CNTN4: variants seen among roughly 807,000 people sequenced by gnomAD.
The protein encoded by CNTN4 is contactin 4.
A neutral mutation model predicts 122.5 loss-of-function variants in CNTN4; 77 were observed. That is an observed-to-expected ratio of 0.63 (90% CI 0.52 to 0.76). The LOEUF is 0.76. CNTN4 is among the 30% of genes least tolerant of loss of function. The probability of loss-of-function intolerance (pLI) is 0.00; values close to 1 mark genes in which losing one functional copy is unlikely to be tolerated. For missense variants in CNTN4, 1,256 were observed against 1,259.1 expected, an observed-to-expected ratio of 1.00 and a Z score of 0.04; for synonymous variants, 512 against 447.0, an observed-to-expected ratio of 1.15 and a Z score of -1.83.
At chr3:2,917,361 A>G (rs1053506521) in intron 12 of CNTN4, among the ~76,000 whole-genome samples, 1 of 151,922 alleles carries the variant, frequency 6.6e-6, no homozygotes, top group Non-Finnish European at 1.5e-5. Flanking sequence ...GGAGACGGAG[A>G]CGGAGAGGTG....
At chr3:2,366,600 G>A (rs1014672809) in intron 3 of CNTN4, among the ~76,000 whole-genome samples, 1 of 151,866 alleles carries the variant, frequency 6.6e-6, no homozygotes. Context: ...GGTGGCGGGC[G>A]CCTGTAGTCC....
intron 4 of CNTN4, among the ~76,000 whole-genome samples, chr3:2,681,196 A>G (rs1468359775): frequency 6.6e-6 from 1 of 152,260 alleles, no homozygotes; most frequent in Non-Finnish European, 1.5e-5. Flanking sequence ...ATCTAATTTA[A>G]TAACAATCTC....
rs551845168 is a variant in CNTN4 at position 2,810,401 on chromosome 3, C to G, written c.359-9085C>G. Among the ~76,000 whole-genome samples, 28 of 151,976 alleles carry G rather than the reference C, an allele frequency of 1.8e-4. No homozygotes were observed. In the South Asian group the frequency reaches 5.6e-3, roughly 30 times the overall value. ...AATATTGATTATGCTATTTTTAATT[C>G]TTGCCTAGGTTTTGTTCCTGGAAAC... On this transcript the variant is annotated intron_variant, in intron 6 of 24. Coordinates refer to ENST00000418658, the MANE Select transcript of CNTN4 (RefSeq NM_175607.3).
intron 13 of CNTN4, 21 bp downstream of exon 13, chr3:2,925,800 C>T: frequency 6.3e-7 from 1 of 1,595,718 alleles, no homozygotes; most frequent in Non-Finnish European, 8.6e-7. Context: ...GAATTATTTT[C>T]AATATTTGGT....
At chr3:2,108,451 T>G (rs1559248373) in intron 2 of CNTN4, among the ~76,000 whole-genome samples, 1 of 152,186 alleles carries the variant, frequency 6.6e-6, no homozygotes, top group Non-Finnish European at 1.5e-5. Context: ...TATTCATTTT[T>G]AAAACCAGGA....
intron 4 of CNTN4, among the ~76,000 whole-genome samples, chr3:2,643,931 A>C (rs1028315729): frequency 1.1e-4 from 17 of 152,244 alleles, no homozygotes; most frequent in East Asian, 1.9e-4. Flanking sequence ...CATCAGATTT[A>C]AACGCATTTT....
At chr3:2,225,875 G>GTTTAAA (rs1210156679) in intron 2 of CNTN4, among the ~76,000 whole-genome samples, 4 of 152,250 alleles carry the variant, frequency 2.6e-5, no homozygotes, top group African/African-American at 9.6e-5. Context: ...GGGATAGAGT[G>GTTTAAA]ACCCTGCTGT....
At chr3:2,729,415 G>C (rs542591400) in intron 4 of CNTN4, among the ~76,000 whole-genome samples, 15 of 151,240 alleles carry the variant, frequency 9.9e-5, no homozygotes, top group African/African-American at 2.9e-4. Flanking sequence ...CGTGGTGGCA[G>C]GCGCCTGTAT....
At chr3:2,673,397 C>T (rs2084651685) in intron 4 of CNTN4, among the ~76,000 whole-genome samples, 1 of 152,120 alleles carries the variant, frequency 6.6e-6, no homozygotes. Flanking sequence ...TACAGAAATG[C>T]ACACTCCTTT....
intron 3 of CNTN4, among the ~76,000 whole-genome samples, chr3:2,408,623 C>T (rs2047119864): frequency 6.6e-6 from 1 of 152,130 alleles, no homozygotes; most frequent in Non-Finnish European, 1.5e-5. Flanking sequence ...CAATTTTTCT[C>T]TTCAAGTGAA....
rs562752791 is a variant in CNTN4, at chr3:2,311,172, C to A, written c.-144-28006C>A. ...ATGAATTTCTAATTAAAGACTGTTT[C>A]CCCACTCCTGATTCAACCTGTCCTG... On this transcript the variant is annotated intron_variant, in intron 2 of 24. Coordinates refer to ENST00000418658, the MANE Select transcript of CNTN4 (RefSeq NM_175607.3). Among the ~76,000 whole-genome samples, 11 of 152,130 alleles carry A rather than the reference C, an allele frequency of 7.2e-5. No homozygotes were observed. In the East Asian group the frequency reaches 2.1e-3, roughly 29 times the overall value.
At chr3:3,055,127 C>T (rs1039435914) in intron 24 of CNTN4, among the ~76,000 whole-genome samples, 2 of 152,114 alleles carry the variant, frequency 1.3e-5, no homozygotes, top group African/African-American at 2.4e-5. Context: ...ACACAAAAGG[C>T]ATTTTTGTCT....
At chr3:2,834,404 A>G (rs1167949274) in intron 7 of CNTN4, among the ~76,000 whole-genome samples, 1 of 152,038 alleles carries the variant, frequency 6.6e-6, no homozygotes, top group Non-Finnish European at 1.5e-5. Context: ...ATCTCTACTA[A>G]AGATTTAAAA....
At chr3:2,427,641 C>G (rs1246375586) in intron 3 of CNTN4, among the ~76,000 whole-genome samples, 1 of 151,972 alleles carries the variant, frequency 6.6e-6, no homozygotes, top group African/African-American at 2.4e-5. Context: ...AATTTTCTGC[C>G]TCATGGATCT....
chr3:2,668,676 T>G (rs929599130), intron 4 of CNTN4, among the ~76,000 whole-genome samples: 15 of 152,312 alleles, frequency 9.8e-5, no homozygotes, highest in Non-Finnish European at 1.3e-4. Flanking sequence ...GTGCCAGTTT[T>G]CAAAGGGAAT....
intron 2 of CNTN4, among the ~76,000 whole-genome samples, chr3:2,286,659 C>T (rs1486381337): frequency 6.6e-6 from 1 of 152,106 alleles, no homozygotes; most frequent in Non-Finnish European, 1.5e-5. Context: ...TACAACAGAG[C>T]ATTTTGTTCT....
At chr3:2,735,296 G>A (rs954384606) in intron 4 of CNTN4, among the ~76,000 whole-genome samples, 3 of 152,200 alleles carry the variant, frequency 2.0e-5, no homozygotes, top group Non-Finnish European at 4.4e-5. Flanking sequence ...CGTAAGCGGC[G>A]AGATGCATTT....
intron 2 of CNTN4, among the ~76,000 whole-genome samples, chr3:2,197,068 A>AAAAAG (rs1559333924): frequency 1.6e-4 from 23 of 139,768 alleles, no homozygotes; most frequent in East Asian, 2.2e-4. Flanking sequence ...AAAAAAAAAA[A>AAAAAG]AAGAAGAAGA....
At chr3:2,646,112 A>T (rs943898119) in intron 4 of CNTN4, among the ~76,000 whole-genome samples, 11 of 152,160 alleles carry the variant, frequency 7.2e-5, no homozygotes, top group African/African-American at 2.4e-4. Flanking sequence ...TCATCCTTAA[A>T]ACCAAAAGAG....
Sources: allele counts gnomAD v4.1 joint callset (sites outside exome capture counted in the v4.1 genomes callset), GRCh38; gene constraint gnomAD v4.1.1; transcripts MANE v1.5; gene names NCBI Gene and HGNC (gene_info 2026-07-23, HGNC 2026-07-21).